The following AMPD3 variants were observed in gnomAD, a reference collection of about 807,000 sequenced individuals.
The protein encoded by AMPD3 is adenosine monophosphate deaminase 3.
In AMPD3, 57 loss-of-function variants were observed where a neutral mutation model predicts 82.3. The ratio of observed to expected loss-of-function variants is 0.69; its 90% CI spans 0.56 to 0.86. The LOEUF is 0.86. Among genes scored for constraint, AMPD3 ranks in the 40% least tolerant of loss-of-function variants. The pLI, the probability that AMPD3 is intolerant of heterozygous loss-of-function variation, is 0.00. For missense variants in AMPD3, 870 were observed against 1,003.8 expected, an observed-to-expected ratio of 0.87 and a Z score of 1.80; for synonymous variants, 381 against 394.7, an observed-to-expected ratio of 0.97 and a Z score of 0.41.
At chr11:10,471,867 A>G (rs896570264) in intron 2 of AMPD3, among the ~76,000 whole-genome samples, 1 of 152,240 alleles carries the variant, frequency 6.6e-6, no homozygotes, top group African/African-American at 2.4e-5. Context: ...AATTAGTTCA[A>G]CCATTGTGGA....
intron 8 of AMPD3, 199 bp downstream of exon 8, chr11:10,495,229 A>G: frequency 3.0e-6 from 3 of 985,386 alleles, no homozygotes; most frequent in Non-Finnish European, 3.6e-6. Context: ...CAACTGCAGG[A>G]AAGAGGAGGG....
upstream of AMPD3, among the ~76,000 whole-genome samples, chr11:10,453,287 C>G (rs187140797): frequency 6.6e-6 from 1 of 152,350 alleles, no homozygotes; most frequent in Admixed American, 6.5e-5. Flanking sequence ...CTACTCATTC[C>G]TGAGATTGCC....
intron 2 of AMPD3, among the ~76,000 whole-genome samples, chr11:10,466,387 A>T (rs926325142): frequency 2.0e-5 from 3 of 152,146 alleles, no homozygotes; most frequent in African/African-American, 7.2e-5. Flanking sequence ...AGGCTTGAGT[A>T]GGAGGTTTTA....
intron 1 of AMPD3, among the ~76,000 whole-genome samples, chr11:10,460,049 T>TTATATATAATATATATTTTATATATA (rs1848214980): frequency 1.9e-5 from 2 of 106,734 alleles, no homozygotes; most frequent in African/African-American, 3.9e-5. Flanking sequence ...AAAATATATA[T>TTATATATAATATATATTTTATATATA]TATATATAAT....
Position 10,495,135 on chromosome 11 carries a change from G to C in AMPD3, c.1266+105G>C, listed in dbSNP as rs113862336. 1.5e-3 allele frequency: 2,432 copies of C among 1,608,726 alleles called. 37 individuals are homozygous for C. The African/African-American group carries it at 0.027, about 18-fold the overall frequency. On this transcript the variant is annotated intron_variant, in intron 8 of 14. Coordinates refer to ENST00000396553, the MANE Select transcript of AMPD3 (RefSeq NM_001025389.2). Reference sequence around the variant, plus strand: ...CCCTGGCCCCTTCCCCTCCCTCTGTGTACCATCAGCTCAGGGAAGGGTGAG... The same window carrying C: ...CCCTGGCCCCTTCCCCTCCCTCTGTCTACCATCAGCTCAGGGAAGGGTGAG...
chr11:10,495,843 C>G, intron 9 of AMPD3, 110 bp downstream of exon 9: 1 of 1,385,874 alleles, frequency 7.2e-7, no homozygotes, highest in Non-Finnish European at 1.0e-6. Context: ...CTGGTGCCAG[C>G]TTACGCTTGT....
intron 2 of AMPD3, among the ~76,000 whole-genome samples, chr11:10,465,793 A>G (rs55942273): frequency 0.029 from 4,436 of 151,128 alleles, 229 homozygotes; most frequent in African/African-American, 0.1. Flanking sequence ...GCGGCCATTC[A>G]GGCAGACACT....
At chr11:10,496,691 T>C in intron 9 of AMPD3, 121 bp from the exon 10 acceptor site, 1 of 1,544,964 alleles carries the variant, frequency 6.5e-7, no homozygotes, top group Non-Finnish European at 8.9e-7. Context: ...TGGTCCCATC[T>C]GACTTGATTC....
chr11:10,487,602 G>GCATTAT (rs1564850486), intron 6 of AMPD3, among the ~76,000 whole-genome samples: 1 of 152,206 alleles, frequency 6.6e-6, no homozygotes, highest in Admixed American at 6.5e-5. Context: ...ACATTTGTCC[G>GCATTAT]CATTGTATAT....
intron 9 of AMPD3, 141 bp from the exon 10 acceptor site, chr11:10,496,671 A>T (rs1486130373): frequency 2.7e-6 from 4 of 1,489,760 alleles, no homozygotes; most frequent in Non-Finnish European, 3.7e-6. Flanking sequence ...CAGAGGAGGG[A>T]TCTGTTTTCT....
chr11:10,478,050 T>A (rs1214659062), intron 2 of AMPD3: 2 of 985,230 alleles, frequency 2.0e-6, no homozygotes, highest in East Asian at 1.1e-4. Flanking sequence ...TGAAATGCAG[T>A]GTGATTGTCT....
At chr11:10,505,056 T>C in intron 14 of AMPD3, 5 of 937,644 alleles carry the variant, frequency 5.3e-6, no homozygotes, top group Non-Finnish European at 6.4e-6. Context: ...CCCTAGATAG[T>C]CCCTGGCACA....
intron 2 of AMPD3, chr11:10,477,930 G>C (rs1006510395): frequency 1.0e-6 from 1 of 985,406 alleles, no homozygotes; most frequent in South Asian, 4.7e-5. Flanking sequence ...GATGGCGGTC[G>C]CTAGTCCACG....
rs1849664146 is a variant in AMPD3, at chr11:10,504,560, G to A, written c.2028G>A (p.Met676Ile). Residue 676 changes from methionine (M) to isoleucine (I), a missense_variant, in exon 14 of 15, where the codon ATG becomes ATA. Met to Ile is a conservative substitution (Grantham distance 10, BLOSUM62 1). Transcript: ENST00000396553. ...MQFHYTKEALMEEYAIAAQVW... is the reference protein window; with the variant it reads ...MQFHYTKEALIEEYAIAAQVW... ...GGGGGAGGATCTAGGAAGCACTTAT[G>A]GAAGAATATGCCATTGCAGCTCAAG... 2 of 1,614,044 alleles carry A rather than the reference G, an allele frequency of 1.2e-6. No individual in the cohort carries two copies. Among genetic ancestry groups the A allele is most frequent in the African/African-American group, 2.7e-5 (2 of 74,920 alleles).
upstream of AMPD3, among the ~76,000 whole-genome samples, chr11:10,454,695 C>A (rs538486837): frequency 1.3e-5 from 2 of 152,142 alleles, no homozygotes; most frequent in Non-Finnish European, 2.9e-5. Flanking sequence ...ATTCCCTGAA[C>A]GTGTCGGACT....
intron 6 of AMPD3, chr11:10,488,256 T>C: frequency 1.0e-6 from 1 of 985,404 alleles, no homozygotes; most frequent in African/African-American, 1.7e-5. Flanking sequence ...CGCTGTGCAG[T>C]GAGGCACAGG....
At chr11:10,460,080 A>G (rs910532449) in intron 1 of AMPD3, among the ~76,000 whole-genome samples, 1 of 143,914 alleles carries the variant, frequency 6.9e-6, no homozygotes, top group Non-Finnish European at 1.5e-5. Context: ...TATAATATAT[A>G]TTTTATATAT....
rs376700431 is a variant in AMPD3, at chr11:10,487,850, A to C, written c.939+486A>C. On this transcript the variant is annotated intron_variant, in intron 6 of 14. Coordinates refer to ENST00000396553, the MANE Select transcript of AMPD3 (RefSeq NM_001025389.2). ...TTCCTGTGTTAGTTTGCTGAGGATG[A>C]TGGCTTCCAGCTGGGCTTAATACCT... 1.1e-4 allele frequency among the ~76,000 whole-genome samples: 17 copies of C among 152,260 alleles called. No individual in the cohort carries two copies. The East Asian group carries it at 3.1e-3, about 28-fold the overall frequency.
intron 2 of AMPD3, among the ~76,000 whole-genome samples, chr11:10,473,829 T>G (rs753092532): frequency 1.3e-5 from 2 of 152,182 alleles, no homozygotes; most frequent in Non-Finnish European, 2.9e-5. Flanking sequence ...AGTGTGAGCC[T>G]ATGGAAGTGG....
Sources: allele counts gnomAD v4.1 joint callset (sites outside exome capture counted in the v4.1 genomes callset), GRCh38; gene constraint gnomAD v4.1.1; transcripts MANE v1.5; gene names NCBI Gene and HGNC (gene_info 2026-07-23, HGNC 2026-07-21).